KAZN: variants seen among roughly 807,000 people sequenced by gnomAD.
KAZN encodes the protein kazrin, periplakin interacting protein.
A neutral mutation model predicts 87.4 loss-of-function variants in KAZN; 40 were observed. The observed-to-expected ratio is 0.46, with a 90% CI of 0.36 to 0.60. KAZN has a LOEUF of 0.60. Among genes scored for constraint, KAZN ranks in the 20% least tolerant of loss-of-function variants. KAZN has a pLI of 0.00. For synonymous variants in KAZN, 466 were observed against 458.3 expected (o/e 1.02, Z -0.22); for missense variants, 898 against 1,073.9 (o/e 0.84, Z 2.29).
intron 1 of KAZN, among the ~76,000 whole-genome samples, chr1:14,622,054 C>T (rs1678739508): frequency 6.6e-6 from 1 of 152,210 alleles, no homozygotes; most frequent in South Asian, 2.1e-4. Flanking sequence ...GAGGCAGCAT[C>T]TCCTCTTCCC....
chr1:14,401,409 C>CA (rs916235220), intron 2 of KAZN, among the ~76,000 whole-genome samples: 9 of 150,998 alleles, frequency 6.0e-5, no homozygotes, highest in African/African-American at 2.2e-4. Flanking sequence ...ATGTTGAACA[C>CA]AGAGGGAAAA....
At chr1:14,020,515 C>G (rs1640775422) in intron 1 of KAZN, among the ~76,000 whole-genome samples, 1 of 152,136 alleles carries the variant, frequency 6.6e-6, no homozygotes, top group Non-Finnish European at 1.5e-5. Flanking sequence ...AGGAATCCAG[C>G]CCTGTAGCAT....
chr1:14,321,569 C>T (rs747674854), intron 2 of KAZN, among the ~76,000 whole-genome samples: 15 of 152,156 alleles, frequency 9.9e-5, no homozygotes, highest in Non-Finnish European at 1.8e-4. Context: ...ATCCCTGGCT[C>T]ACTAAGGCAG....
intron 2 of KAZN, among the ~76,000 whole-genome samples, chr1:14,971,194 T>C (rs1312669551): frequency 6.6e-6 from 1 of 152,134 alleles, no homozygotes; most frequent in East Asian, 1.9e-4. Context: ...GGTCAGGAGT[T>C]TGAGACCAGC....
chr1:14,236,097 A>G (rs766940371), intron 2 of KAZN, among the ~76,000 whole-genome samples: 1 of 136,060 alleles, frequency 7.3e-6, no homozygotes, highest in Non-Finnish European at 1.7e-5. Context: ...AAAGATAAAA[A>G]TCCTACTTTT....
At chr1:14,356,440 T>C (rs1659036276) in intron 2 of KAZN, among the ~76,000 whole-genome samples, 1 of 152,224 alleles carries the variant, frequency 6.6e-6, no homozygotes, top group Non-Finnish European at 1.5e-5. Context: ...TTAGATCCCA[T>C]TTGTCAATTT....
intron 1 of KAZN, among the ~76,000 whole-genome samples, chr1:14,908,996 G>C (rs1423054893): frequency 2.0e-5 from 3 of 152,014 alleles, no homozygotes; most frequent in Non-Finnish European, 2.9e-5. Context: ...AAAAAAAAGA[G>C]CATGTGGACT....
intron 1 of KAZN, among the ~76,000 whole-genome samples, chr1:14,082,516 C>T (rs1435786156): frequency 6.6e-6 from 1 of 152,116 alleles, no homozygotes; most frequent in African/African-American, 2.4e-5. Flanking sequence ...CCCTTGATTG[C>T]ATCCTGTGGG....
At chr1:14,310,934 G>A (rs1231102317) in intron 2 of KAZN, among the ~76,000 whole-genome samples, 2 of 152,210 alleles carry the variant, frequency 1.3e-5, no homozygotes, top group African/African-American at 2.4e-5. Context: ...AATGAACTAT[G>A]TTGGTTTGGA....
chr1:14,017,586 T>C (rs1270355214), intron 1 of KAZN, among the ~76,000 whole-genome samples: 2 of 152,196 alleles, frequency 1.3e-5, no homozygotes, highest in Non-Finnish European at 2.9e-5. Context: ...ACCCAGCCTG[T>C]CTGACCACAG....
At chr1:14,774,986 C>G (rs1189586797) in intron 1 of KAZN, among the ~76,000 whole-genome samples, 1 of 152,190 alleles carries the variant, frequency 6.6e-6, no homozygotes, top group Admixed American at 6.5e-5. Context: ...CGGTCCTGCC[C>G]TCATGGAGCT....
At chr1:14,829,491 G>A (rs1406104417) in intron 1 of KAZN, among the ~76,000 whole-genome samples, 3 of 152,172 alleles carry the variant, frequency 2.0e-5, no homozygotes, top group Non-Finnish European at 4.4e-5. Flanking sequence ...GATCTCTTGA[G>A]CTCAGGGGTT....
intron 2 of KAZN, among the ~76,000 whole-genome samples, chr1:14,590,617 G>A (rs1330957173): frequency 6.6e-6 from 1 of 152,136 alleles, no homozygotes; most frequent in African/African-American, 2.4e-5. Flanking sequence ...GAAATAAATG[G>A]TTGAGCAAAC....
chr1:14,786,369 G>A (rs1645508743), intron 1 of KAZN, among the ~76,000 whole-genome samples: 1 of 152,118 alleles, frequency 6.6e-6, no homozygotes, highest in African/African-American at 2.4e-5. Context: ...GGGAGCAGCA[G>A]CATGATTTTT....
chr1:13,977,447 T>G (rs1298556300), intron 1 of KAZN, among the ~76,000 whole-genome samples: 1 of 152,230 alleles, frequency 6.6e-6, no homozygotes, highest in Non-Finnish European at 1.5e-5. Flanking sequence ...AGACTAAGCC[T>G]TCCTTCTGTC....
In KAZN at chr1:14,114,284, GC is replaced by G. The variant is rs149308857; in HGVS notation, c.92-66149del. ...TCATGTTTCAGCTGCTGCGTGGGGGGCCGGCATTGGGGGGATCAGTGCACTT... is the reference window on the plus strand; with the variant it reads ...TCATGTTTCAGCTGCTGCGTGGGGGGCGGCATTGGGGGGATCAGTGCACTT... On this transcript the variant is annotated intron_variant, in intron 1 of 16. Transcript: ENST00000636203. Among the ~76,000 whole-genome samples the G allele has an allele frequency of 2.8e-3, 431 of 152,260 alleles. 2 individuals carry two copies. The highest frequency in any genetic ancestry group is 9.8e-3 in the African/African-American group (405 of 41,538).
rs539626974 is a variant in KAZN, at chr1:14,956,528, C to A, written c.227-4156C>A. On this transcript the variant is annotated intron_variant, in intron 1 of 14. Transcript: ENST00000376030. ...GGCTGAGGCAGGAGAATTGCTTGAACCCGGGAGGCAGAGGTTGTAGTGAGC... is the reference window on the plus strand; with the variant it reads ...GGCTGAGGCAGGAGAATTGCTTGAAACCGGGAGGCAGAGGTTGTAGTGAGC... Among the ~76,000 whole-genome samples, 116 of 151,936 alleles carry A rather than the reference C, an allele frequency of 7.6e-4. 1 individual carries two copies. Among genetic ancestry groups the A allele is most frequent in the Non-Finnish European group, 1.2e-3 (80 of 67,964 alleles).
intron 2 of KAZN, among the ~76,000 whole-genome samples, chr1:14,993,719 G>C (rs993482690): frequency 2.0e-5 from 3 of 152,206 alleles, no homozygotes; most frequent in African/African-American, 7.2e-5. Flanking sequence ...TCTGAGCCCA[G>C]GACTTCGCCC....
intron 1 of KAZN, among the ~76,000 whole-genome samples, chr1:14,894,424 G>A (rs1655042250): frequency 6.6e-6 from 1 of 152,220 alleles, no homozygotes; most frequent in Non-Finnish European, 1.5e-5. Flanking sequence ...CAGAAATGGG[G>A]AAATGGTAAC....
Sources: gnomAD v4.1 joint callset for allele counts (sites outside exome capture counted in the v4.1 genomes callset) on GRCh38, gnomAD v4.1.1 for gene constraint, MANE v1.5 for transcripts, NCBI Gene and HGNC (gene_info 2026-07-23, HGNC 2026-07-21) for gene names.